The following OR51B5 variants were observed in gnomAD, a reference collection of about 807,000 sequenced individuals.
OR51B5 encodes olfactory receptor 51B5.
For synonymous variants in OR51B5, 186 were observed against 144.8 expected (o/e 1.28, Z -2.04); for missense variants, 456 against 374.6 (o/e 1.22, Z -1.79).
intron 1 of OR51B5, among the ~76,000 whole-genome samples, chr11:5,459,513 TC>T (rs2133792513): frequency 7.6e-6 from 1 of 132,066 alleles, no homozygotes; most frequent in Admixed American, 7.0e-5. Context: ...GCAGATATTT[TC>T]TTCTGTGCTA....
intron 1 of OR51B5, among the ~76,000 whole-genome samples, chr11:5,399,112 A>G (rs568376442): frequency 1.7e-4 from 26 of 152,320 alleles, no homozygotes; most frequent in Non-Finnish European, 2.9e-4. Flanking sequence ...GGAAAACAAA[A>G]CAAAAACACC....
chr11:5,396,546 A>G (rs1475606935), intron 1 of OR51B5, among the ~76,000 whole-genome samples: 1 of 16,280 alleles, frequency 6.1e-5, no homozygotes, highest in Non-Finnish European at 3.4e-4. Flanking sequence ...CCACTGCTCA[A>G]GGAAATAAGA....
intron 1 of OR51B5, among the ~76,000 whole-genome samples, chr11:5,373,726 G>A (rs1849478701): frequency 1.3e-5 from 2 of 152,206 alleles, no homozygotes; most frequent in Admixed American, 6.5e-5. Context: ...CTCCCTGATT[G>A]CTAGCACAGC....
At chr11:5,492,756 C>A (rs548817539) in intron 1 of OR51B5, among the ~76,000 whole-genome samples, 6 of 152,270 alleles carry the variant, frequency 3.9e-5, no homozygotes, top group African/African-American at 1.4e-4. Context: ...CCTGCCTCAG[C>A]TTCCTGAGTA....
At chr11:5,469,568 C>CA (rs34845625) in intron 1 of OR51B5, 71,178 of 151,674 alleles carry the variant, frequency 0.47, 17,102 homozygotes, top group South Asian at 0.53. Flanking sequence ...TTGGAAAGTT[C>CA]AAAAAAAACC....
chr11:5,342,235 A>C (rs968058857), downstream of OR51B5, among the ~76,000 whole-genome samples: 4 of 152,290 alleles, frequency 2.6e-5, no homozygotes, highest in East Asian at 3.9e-4. Flanking sequence ...CCAACTAATA[A>C]TTTTATATTT....
At chr11:5,489,407 A>T in intron 1 of OR51B5, 1 of 1,613,552 alleles carries the variant, frequency 6.2e-7, no homozygotes. Context: ...CTTCCATCTC[A>T]TGATGCCCAG....
intron 1 of OR51B5, among the ~76,000 whole-genome samples, chr11:5,348,579 G>A (rs1428785173): frequency 2.0e-5 from 3 of 152,006 alleles, no homozygotes; most frequent in Admixed American, 6.6e-5. Flanking sequence ...CTGGATCAGG[G>A]GTACAGATTC....
At chr11:5,418,608 C>G (rs1554889640) in intron 1 of OR51B5, among the ~76,000 whole-genome samples, 5 of 151,912 alleles carry the variant, frequency 3.3e-5, no homozygotes, top group Non-Finnish European at 7.4e-5. Flanking sequence ...AACCATCATT[C>G]TCAGCAAAAT....
chr11:5,390,281 G>T lies in OR51B5; in HGVS notation n.85-43371C>A, dbSNP rs1039542744. The T allele has an allele frequency of 1.9e-6, 3 of 1,613,900 alleles. No individual in the cohort carries two copies. The highest frequency in any genetic ancestry group is 3.3e-5 in the Admixed American group (2 of 60,000). ...TCTTATGGCCAATGTCTACCTTTTT[G>T]TGCCTCCCATGCTTAACCCAATCAT... On this transcript the variant is annotated intron_variant and non_coding_transcript_variant, in intron 1 of 4. Coordinates refer to the OR51B5 transcript ENST00000415970.
chr11:5,407,765 T>C (rs772868852), intron 1 of OR51B5, among the ~76,000 whole-genome samples: 4 of 152,072 alleles, frequency 2.6e-5, no homozygotes, highest in Non-Finnish European at 5.9e-5. Flanking sequence ...ATCTGTACTT[T>C]ATAAATTTCA....
At chr11:5,367,023 T>G (rs911474896) in intron 1 of OR51B5, among the ~76,000 whole-genome samples, 5 of 152,142 alleles carry the variant, frequency 3.3e-5, no homozygotes, top group African/African-American at 1.2e-4. Context: ...CTGCAGTCCA[T>G]GAACCAGGAT....
rs763127961 is a variant in OR51B5 at position 5,501,868 on chromosome 11, G to T, written n.84+3701C>A. Among the ~76,000 whole-genome samples the T allele has an allele frequency of 2.2e-5, 3 of 134,118 alleles. 1 individual carries two copies. Among genetic ancestry groups the T allele is most frequent in the Non-Finnish European group, 5.2e-5 (3 of 58,240 alleles). The allele number at this position is 134,118 out of a possible 152,430, so 88.0% of individuals were successfully genotyped here. On this transcript the variant is annotated intron_variant and non_coding_transcript_variant, in intron 1 of 4. Coordinates refer to the OR51B5 transcript ENST00000415970. ...TTCCATGTTGGTTTGCTGCACCCAT[G>T]AACTGGTCATTTACATTAGGTATTT...
chr11:5,441,531 T>C lies in OR51B5; in HGVS notation n.84+64038A>G, dbSNP rs375468258. The C allele has an allele frequency of 3.3e-5, 53 of 1,591,562 alleles. No homozygotes were observed. The African/African-American group carries it at 5.8e-4, about 17-fold the overall frequency. On this transcript the variant is annotated intron_variant and non_coding_transcript_variant, in intron 1 of 4. Transcript: ENST00000415970. ...ACCCAGCATGGTGGGAGAATATAGA[T>C]AGGGAATGGACCCAAGAGGGTGTGT... is the stretch of plus-strand genomic sequence containing the variant.
chr11:5,370,899 GAGGCAA>G (rs1240505740), intron 1 of OR51B5, among the ~76,000 whole-genome samples: 1 of 152,184 alleles, frequency 6.6e-6, no homozygotes, highest in Non-Finnish European at 1.5e-5. Context: ...GAGAGTTGTA[GAGGCAA>G]AAGAAGTATT....
chr11:5,406,801 T>G (rs1192334900), intron 1 of OR51B5, among the ~76,000 whole-genome samples: 1 of 152,124 alleles, frequency 6.6e-6, no homozygotes, highest in East Asian at 1.9e-4. Context: ...GCCTGATATT[T>G]ATTGAGATTT....
chr11:5,453,382 C>A, intron 1 of OR51B5: 1 of 727,200 alleles, frequency 1.4e-6, no homozygotes, highest in Non-Finnish European at 2.1e-6. Context: ...TCAACATCAT[C>A]GCTTTGTCTC....
chr11:5,363,339 TAC>T (rs376841692), intron 1 of OR51B5, among the ~76,000 whole-genome samples: 15,256 of 121,196 alleles, frequency 0.13, 1,249 homozygotes, highest in South Asian at 0.18. Flanking sequence ...GTATTGGAAT[TAC>T]AGTTTTTTTT....
chr11:5,342,086 TTTTTGCAGGAA>T (rs1385422077), downstream of OR51B5, among the ~76,000 whole-genome samples: 3 of 152,166 alleles, frequency 2.0e-5, no homozygotes, highest in South Asian at 2.1e-4. Context: ...ATTATATTCT[TTTTTGCAGGAA>T]AATTCCTGGA....
Sources: gnomAD v4.1 joint callset for allele counts (sites outside exome capture counted in the v4.1 genomes callset) on GRCh38, gnomAD v4.1.1 for gene constraint, MANE v1.5 for transcripts, NCBI Gene and HGNC (gene_info 2026-07-23, HGNC 2026-07-21) for gene names.